NT5C2: variants seen among roughly 807,000 people sequenced by gnomAD.
The protein encoded by NT5C2 is 5'-nucleotidase, cytosolic II.
Under a neutral mutation model 76.1 loss-of-function variants are expected in NT5C2, and 58 were observed. That is an observed-to-expected ratio of 0.76 (90% confidence interval 0.62 to 0.95). The LOEUF (loss-of-function observed/expected upper bound fraction) is 0.95. Ranked by LOEUF, NT5C2 falls within the 40% of genes least tolerant of loss-of-function variation. The pLI is 0.00. For synonymous variants in NT5C2, 229 were observed against 237.4 expected (o/e 0.96, Z 0.32); for missense variants, 478 against 690.3 (o/e 0.69, Z 3.45).
At chr10:103,172,956 C>G (rs929994836) in intron 3 of NT5C2, among the ~76,000 whole-genome samples, 1 of 152,064 alleles carries the variant, frequency 6.6e-6, no homozygotes, top group African/African-American at 2.4e-5. Context: ...TACAGTGAGC[C>G]GAGATCAAGC....
chr10:103,165,663 C>G (rs2086202920), intron 3 of NT5C2, among the ~76,000 whole-genome samples: 1 of 133,294 alleles, frequency 7.5e-6, no homozygotes, highest in African/African-American at 2.8e-5. Flanking sequence ...CCCACCTCAG[C>G]CTCCCAAGAG....
intron 6 of NT5C2, chr10:103,105,279 C>T (rs914708268): frequency 3.5e-5 from 9 of 259,644 alleles, no homozygotes; most frequent in African/African-American, 1.6e-4. Flanking sequence ...ATCTAAAAAA[C>T]GTATTGGCTA....
At chr10:103,163,785 G>C (rs2085565294) in intron 3 of NT5C2, among the ~76,000 whole-genome samples, 2 of 149,932 alleles carry the variant, frequency 1.3e-5, no homozygotes, top group Admixed American at 1.3e-4. Flanking sequence ...GGGAGGCTGA[G>C]GCAGGTGAAT....
At chr10:103,158,371 ATATAT>A (rs1416467759) in intron 3 of NT5C2, among the ~76,000 whole-genome samples, 1 of 152,136 alleles carries the variant, frequency 6.6e-6, no homozygotes, top group Non-Finnish European at 1.5e-5. Flanking sequence ...GACAGAAATA[ATATAT>A]TACAGATTAG....
chr10:103,163,499 A>G (rs1004934366), intron 3 of NT5C2, among the ~76,000 whole-genome samples: 8 of 152,082 alleles, frequency 5.3e-5, no homozygotes, highest in Admixed American at 2.0e-4. Context: ...AGTTGCTTTA[A>G]TTTTTATCTT....
chr10:103,192,904 G>C (rs985785197), intron 1 of NT5C2, among the ~76,000 whole-genome samples: 4 of 152,198 alleles, frequency 2.6e-5, no homozygotes, highest in African/African-American at 7.2e-5. Flanking sequence ...CGGCCGCGCT[G>C]GGAGGCTGAG....
At position 103,100,955 on chromosome 10, in the gene NT5C2, C is replaced by G. The variant is rs958762039; in HGVS notation, c.539+90G>C. ...TAGCACTAAATTCACTTTAGAAAAG[C>G]AGAAAAGACCTACAATGGCCAGTTC... On this transcript the variant is annotated intron_variant, in intron 8 of 18. Coordinates refer to ENST00000404739, the MANE Select transcript of NT5C2 (RefSeq NM_001351169.2). The G allele has an allele frequency of 3.7e-6, 3 of 800,552 alleles. No individual in the cohort carries two copies. In the African/African-American group the frequency reaches 5.1e-5, roughly 14 times the overall value. The allele number at this position is 800,552 out of a possible 1,614,324, so 49.6% of individuals were successfully genotyped here.
At chr10:103,144,272 G>A (rs1028533731) in intron 3 of NT5C2, among the ~76,000 whole-genome samples, 1 of 152,194 alleles carries the variant, frequency 6.6e-6, no homozygotes, top group African/African-American at 2.4e-5. Context: ...AGCAGGAATG[G>A]ATTGGGGATG....
At chr10:103,134,324 T>G (rs1042892591) in intron 4 of NT5C2, among the ~76,000 whole-genome samples, 1 of 152,160 alleles carries the variant, frequency 6.6e-6, no homozygotes, top group Non-Finnish European at 1.5e-5. Flanking sequence ...CCCCATGCTG[T>G]GTGCAGTCTG....
intron 12 of NT5C2, 116 bp downstream of exon 12, chr10:103,095,822 TA>T: frequency 1.2e-6 from 1 of 857,172 alleles, no homozygotes; most frequent in Non-Finnish European, 1.9e-6. Flanking sequence ...ACAATAGGCT[TA>T]AAAAGTAGGA....
At chr10:103,125,213 G>T in intron 4 of NT5C2, 2 of 767,436 alleles carry the variant, frequency 2.6e-6, no homozygotes, top group Non-Finnish European at 4.4e-6. Context: ...TAGCCTGCCT[G>T]TGAGGTTCAC....
At chr10:103,169,101 T>C (rs1042633450) in intron 3 of NT5C2, among the ~76,000 whole-genome samples, 5 of 152,140 alleles carry the variant, frequency 3.3e-5, no homozygotes, top group Non-Finnish European at 7.4e-5. Flanking sequence ...TAATCTACTG[T>C]ATACCTCAAA....
chr10:103,124,440 T>C (rs2076297908), intron 4 of NT5C2, among the ~76,000 whole-genome samples: 1 of 152,206 alleles, frequency 6.6e-6, no homozygotes, highest in Admixed American at 6.5e-5. Context: ...GCCAGGTTTT[T>C]CCATAATATA....
At chr10:103,129,612 G>T (rs1260314302) in intron 4 of NT5C2, among the ~76,000 whole-genome samples, 4 of 98,820 alleles carry the variant, frequency 4.0e-5, no homozygotes, top group African/African-American at 7.6e-5. Flanking sequence ...CGCCCCGTCC[G>T]GGAGGGAGGT....
chr10:103,106,533 G>C, intron 5 of NT5C2, 56 bp downstream of exon 5: 1 of 1,013,530 alleles, frequency 9.9e-7, no homozygotes, highest in Non-Finnish European at 1.6e-6. Flanking sequence ...CTAATTTGAG[G>C]GGTAAGGAAA....
At chr10:103,178,103 A>G (rs1247047809) in intron 2 of NT5C2, among the ~76,000 whole-genome samples, 8 of 152,226 alleles carry the variant, frequency 5.3e-5, no homozygotes, top group Non-Finnish European at 1.0e-4. Flanking sequence ...ATCACATATC[A>G]CATTTCATTC....
At chr10:103,107,020 G>A (rs1159627959) in intron 4 of NT5C2, among the ~76,000 whole-genome samples, 2 of 151,892 alleles carry the variant, frequency 1.3e-5, no homozygotes, top group East Asian at 3.8e-4. Context: ...CATTCCCACA[G>A]TTTAAAAAAA....
chr10:103,164,972 G>A (rs2085999800), intron 3 of NT5C2, among the ~76,000 whole-genome samples: 1 of 152,210 alleles, frequency 6.6e-6, no homozygotes, highest in Non-Finnish European at 1.5e-5. Flanking sequence ...CTTTTGAACA[G>A]TAACATTTAG....
At chr10:103,127,784 C>T (rs1456770385) in intron 4 of NT5C2, among the ~76,000 whole-genome samples, 2 of 152,136 alleles carry the variant, frequency 1.3e-5, no homozygotes. Context: ...TCTCGATCTC[C>T]TGACCTTGTG....
Sources: allele counts gnomAD v4.1 joint callset (sites outside exome capture counted in the v4.1 genomes callset), GRCh38; gene constraint gnomAD v4.1.1; transcripts MANE v1.5; gene names NCBI Gene and HGNC (gene_info 2026-07-23, HGNC 2026-07-21).